The following MGAT4C variants were observed in gnomAD, a reference collection of about 807,000 sequenced individuals.
MGAT4C encodes MGAT4 family member C, also known as alpha-1,3-mannosyl-glycoprotein 4-beta-N-acetylglucosaminyltransferase C.
In MGAT4C, 19 loss-of-function variants were observed where a neutral mutation model predicts 40.1. The observed-to-expected ratio is 0.47, with a 90% CI of 0.33 to 0.70. The LOEUF is 0.70. Ranked by LOEUF, MGAT4C falls within the 30% of genes least tolerant of loss-of-function variation. The pLI, the probability that MGAT4C is intolerant of heterozygous loss-of-function variation, is 0.02. For synonymous variants in MGAT4C, 181 were observed against 187.1 expected, an observed-to-expected ratio of 0.97 and a Z score of 0.27; for missense variants, 491 against 563.2, an observed-to-expected ratio of 0.87 and a Z score of 1.30.
At chr12:86,520,792 C>A (rs191006151) in intron 2 of MGAT4C, among the ~76,000 whole-genome samples, 82 of 151,944 alleles carry the variant, frequency 5.4e-4, no homozygotes, top group Non-Finnish European at 3.1e-4. Flanking sequence ...GAGATGGTAT[C>A]TCATTGTGAT....
chr12:86,305,911 C>T (rs1953924164), intron 4 of MGAT4C, among the ~76,000 whole-genome samples: 1 of 150,430 alleles, frequency 6.6e-6, no homozygotes, highest in Admixed American at 6.6e-5. Context: ...ACTGCACTTA[C>T]TTACTTTTAT....
At chr12:86,231,690 G>A (rs1198673474) in intron 1 of MGAT4C, among the ~76,000 whole-genome samples, 1 of 152,016 alleles carries the variant, frequency 6.6e-6, no homozygotes, top group Non-Finnish European at 1.5e-5. Context: ...AGTTAATATA[G>A]AGTATAGAAT....
intron 2 of MGAT4C, among the ~76,000 whole-genome samples, chr12:86,453,604 C>T (rs1440588162): frequency 6.6e-6 from 1 of 152,096 alleles, no homozygotes; most frequent in East Asian, 1.9e-4. Context: ...TTGACTCTCT[C>T]AATCTTGCAG....
chr12:86,685,018 G>A (rs1950047932), intron 2 of MGAT4C, among the ~76,000 whole-genome samples: 1 of 152,116 alleles, frequency 6.6e-6, no homozygotes, highest in Admixed American at 6.5e-5. Flanking sequence ...ATATTTTGCT[G>A]TGCAGAAGCT....
intron 2 of MGAT4C, among the ~76,000 whole-genome samples, chr12:86,706,821 C>T (rs2136624647): frequency 6.6e-6 from 1 of 152,220 alleles, no homozygotes; most frequent in Middle Eastern, 3.4e-3. Flanking sequence ...TGTCCCTGCC[C>T]AAATCTCATC....
chr12:86,817,627 A>T (rs906892349), intron 1 of MGAT4C, among the ~76,000 whole-genome samples: 7 of 151,568 alleles, frequency 4.6e-5, no homozygotes, highest in African/African-American at 1.7e-4. Flanking sequence ...TATAAGCATT[A>T]AAGTTCAGAA....
At position 86,408,193 on chromosome 12, in the gene MGAT4C, C is replaced by T. The variant is rs1457388340; in HGVS notation, c.-120+26964G>A. Among the ~76,000 whole-genome samples, 5 of 151,956 alleles carry T rather than the reference C, an allele frequency of 3.3e-5. No individual in the cohort carries two copies. In the East Asian group the frequency reaches 7.8e-4, roughly 24 times the overall value. On this transcript the variant is annotated intron_variant, in intron 3 of 7. Coordinates refer to the MGAT4C transcript ENST00000548651. Reference sequence around the variant, plus strand: ...TGTGTTTGAATGCACACATGGGTGACATCGAAATAAAATTCTATTTTGTAG... The same window carrying T: ...TGTGTTTGAATGCACACATGGGTGATATCGAAATAAAATTCTATTTTGTAG...
intron 1 of MGAT4C, among the ~76,000 whole-genome samples, chr12:86,809,395 A>C (rs918487635): frequency 2.0e-5 from 3 of 151,986 alleles, no homozygotes; most frequent in East Asian, 3.9e-4. Context: ...TGAGAAGATA[A>C]GTTTTCAAAT....
chr12:86,223,026 A>G (rs529706206), intron 1 of MGAT4C, among the ~76,000 whole-genome samples: 6 of 152,290 alleles, frequency 3.9e-5, no homozygotes, highest in Middle Eastern at 3.4e-3. Flanking sequence ...GCACAGAGGC[A>G]TTGTTCGAGA....
chr12:86,698,573 A>G lies in MGAT4C; in HGVS notation c.-229+28636T>C, dbSNP rs538662392. ...ATTACAATTAGTACATTTATATTAAACTTTACTGGGACTTTAAATATGCTT... is the reference window on the plus strand; with the variant it reads ...ATTACAATTAGTACATTTATATTAAGCTTTACTGGGACTTTAAATATGCTT... On this transcript the variant is annotated intron_variant, in intron 2 of 7. Coordinates refer to the MGAT4C transcript ENST00000548651. 2.6e-5 allele frequency among the ~76,000 whole-genome samples: 4 copies of G among 152,144 alleles called. No homozygotes were observed. The South Asian group carries it at 8.3e-4, about 31-fold the overall frequency.
chr12:86,248,194 T>TCTTCCTTC (rs71076174), intron 1 of MGAT4C, among the ~76,000 whole-genome samples: 7,201 of 140,338 alleles, frequency 0.051, 261 homozygotes, highest in East Asian at 0.096. Context: ...ACCTAGTTTC[T>TCTTCCTTC]CTTCCTTCCT....
chr12:86,228,330 G>A (rs1951178133), intron 1 of MGAT4C, among the ~76,000 whole-genome samples: 1 of 151,870 alleles, frequency 6.6e-6, no homozygotes, highest in Non-Finnish European at 1.5e-5. Context: ...TTACCTGAGT[G>A]CACCTCTATT....
At chr12:86,547,057 A>G (rs1278685290) in intron 2 of MGAT4C, among the ~76,000 whole-genome samples, 1 of 152,060 alleles carries the variant, frequency 6.6e-6, no homozygotes, top group East Asian at 1.9e-4. Flanking sequence ...ATCAGATAGT[A>G]AAATTTATTG....
At chr12:86,487,411 G>C (rs1004530372) in intron 2 of MGAT4C, among the ~76,000 whole-genome samples, 7 of 152,170 alleles carry the variant, frequency 4.6e-5, no homozygotes, top group Non-Finnish European at 8.8e-5. Context: ...TGCATTGCTT[G>C]AACTCCTGGA....
At chr12:86,047,965 T>C (rs1036592114) in intron 2 of MGAT4C, among the ~76,000 whole-genome samples, 4 of 151,398 alleles carry the variant, frequency 2.6e-5, no homozygotes, top group African/African-American at 9.7e-5. Flanking sequence ...ACACGGAAAA[T>C]AATAGTCCAT....
At chr12:86,520,222 G>C (rs1413150754) in intron 2 of MGAT4C, among the ~76,000 whole-genome samples, 1 of 151,922 alleles carries the variant, frequency 6.6e-6, no homozygotes, top group East Asian at 1.9e-4. Context: ...CCCTCCTCCT[G>C]TCATCCACCC....
chr12:86,200,134 T>TTG (rs1555246191), intron 1 of MGAT4C, among the ~76,000 whole-genome samples: 5 of 84,100 alleles, frequency 5.9e-5, no homozygotes, highest in East Asian at 3.6e-4. Flanking sequence ...TTTGTTTTTT[T>TTG]TTTTTTTTTT....
intron 3 of MGAT4C, among the ~76,000 whole-genome samples, chr12:86,373,300 T>C (rs1287363298): frequency 7.9e-5 from 12 of 151,968 alleles, no homozygotes; most frequent in Admixed American, 7.9e-4. Context: ...CCTTTAAACT[T>C]TGTTTAACAA....
intron 1 of MGAT4C, among the ~76,000 whole-genome samples, chr12:86,817,472 GAC>G (rs1349821949): frequency 2.0e-5 from 3 of 151,430 alleles, no homozygotes; most frequent in Non-Finnish European, 4.4e-5. Flanking sequence ...GTTGGGTACA[GAC>G]AAAAGTCCAT....
Sources: gnomAD v4.1 joint callset for allele counts (sites outside exome capture counted in the v4.1 genomes callset) on GRCh38, gnomAD v4.1.1 for gene constraint, MANE v1.5 for transcripts, NCBI Gene and HGNC (gene_info 2026-07-23, HGNC 2026-07-21) for gene names.